Variants in HAS1 observed in about 807,000 individuals in gnomAD.
HAS1 encodes the protein hyaluronan synthase 1.
A neutral mutation model predicts 35.0 loss-of-function variants in HAS1; 27 were observed. That is an observed-to-expected ratio of 0.77 (90% CI 0.57 to 1.06). The LOEUF is 1.06. HAS1 is among the 50% of genes least tolerant of loss of function. The pLI is 0.00. For synonymous variants in HAS1, 409 were observed against 371.2 expected (o/e 1.10, Z -1.17); for missense variants, 940 against 814.8 (o/e 1.15, Z -1.87).
Position 51,714,695 on chromosome 19 carries a change from T to TAAAAA in HAS1, c.1059-594_1059-593insTTTTT, listed in dbSNP as rs148154630. Among the ~76,000 whole-genome samples, 113 of 95,796 alleles carry TAAAAA rather than the reference T, an allele frequency of 1.2e-3. 13 individuals carry two copies. The highest frequency in any genetic ancestry group is 2.8e-3 in the African/African-American group (68 of 24,168). 62.8% of individuals were successfully genotyped at this position (95,796 alleles called of 152,430 possible). Reference sequence around the variant, plus strand: ...CTGAGCAACACAGCAAGACTCTATCTAAGAAAAAAAAAAAGGCTCTCATAA... The same window carrying TAAAAA: ...CTGAGCAACACAGCAAGACTCTATCTAAAAAAAGAAAAAAAAAAAGGCTCTCATAA... On this transcript the variant is annotated intron_variant, in intron 4 of 4. Transcript: ENST00000540069.
At position 51,713,808 on chromosome 19, in the gene HAS1, C is replaced by A; in HGVS notation, c.1353G>T (p.Leu451=). The A allele has an allele frequency of 6.2e-7, 1 of 1,606,526 alleles. No homozygotes were observed. The highest frequency in any genetic ancestry group is 8.5e-7 in the Non-Finnish European group (1 of 1,177,570). ...ALAKAAFAAW[L]RGCLRMVLLS... ...GAAGCACCATGCGCAGGCAGCCCCG[C>A]AGCCAGGCCGCGAAGGCCGCCTTGG... The change falls in exon 5 of 5, where the codon CTG becomes CTT. Residue 451 remains leucine, a synonymous_variant. Coordinates refer to ENST00000540069, the MANE Select transcript of HAS1 (RefSeq NM_001297436.2). The surrounding 1 kb of genome is among the most constrained non-coding windows in gnomAD (Gnocchi z 4.5).
Position 51,713,199 on chromosome 19 carries a change from C to CA in HAS1, c.*227_*228insT. Reference sequence around the variant, plus strand: ...ACGAGGAGAAAGCAGGACCCTTTCCCTCCACTCCTCAGATCCCACACCCTG... The same window carrying CA: ...ACGAGGAGAAAGCAGGACCCTTTCCCATCCACTCCTCAGATCCCACACCCTG... On this transcript the variant is annotated 3_prime_UTR_variant, in exon 5 of 5. Transcript: ENST00000540069. The surrounding 1 kb of genome is among the most constrained non-coding windows in gnomAD (Gnocchi z 4.5). 1 of 428,934 alleles carries CA rather than the reference C, an allele frequency of 2.3e-6. No homozygotes were observed. The highest frequency in any genetic ancestry group is 4.1e-6 in the Non-Finnish European group (1 of 245,764). 26.6% of individuals were successfully genotyped at this position (428,934 alleles called of 1,614,324 possible).
At chr19:51,714,189 G>C in intron 4 of HAS1, 87 bp from the exon 5 acceptor site, 1 of 1,528,992 alleles carries the variant, frequency 6.5e-7, no homozygotes, top group Non-Finnish European at 8.8e-7. Flanking sequence ...CACTGTGGAC[G>C]GCCACTGGGG....
chr19:51,714,363 A>C (rs1338144797), intron 4 of HAS1, among the ~76,000 whole-genome samples: 1 of 89,382 alleles, frequency 1.1e-5, no homozygotes, highest in Non-Finnish European at 2.8e-5. Context: ...GCAAGACCCC[A>C]TCTCTACTAA....
At chr19:51,721,481 T>A (rs889196124) in intron 1 of HAS1, among the ~76,000 whole-genome samples, 11 of 152,112 alleles carry the variant, frequency 7.2e-5, no homozygotes, top group African/African-American at 2.4e-4. Context: ...AATTTTTTTT[T>A]AAATTGAGAC....
Position 51,719,255 on chromosome 19 carries a change from A to C in HAS1, c.650T>G (p.Val217Gly), listed in dbSNP as rs1054195799. 1.2e-6 allele frequency: 2 copies of C among 1,608,104 alleles called. No homozygotes were observed. Among genetic ancestry groups the C allele is most frequent in the Non-Finnish European group, 1.7e-6 (2 of 1,177,674 alleles). ...GAGCGCCTTGAAGGCTGTGTACATGACCTCGCGCTTGCCGCCCCAGCGCTG... is the reference window on the plus strand; with the variant it reads ...GAGCGCCTTGAAGGCTGTGTACATGCCCTCGCGCTTGCCGCCCCAGCGCTG... Reference protein sequence around the residue: ...VAQRWGGKREVMYTAFKALGD... With the variant: ...VAQRWGGKREGMYTAFKALGD... Residue 217 changes from valine (V) to glycine (G), a missense_variant, in exon 2 of 5, where the codon GTC (valine) becomes GGC (glycine). Coordinates refer to ENST00000540069, the MANE Select transcript of HAS1 (RefSeq NM_001297436.2).
At position 51,721,599 on chromosome 19, in the gene HAS1, G is replaced by A. The variant is rs1355800065; in HGVS notation, c.10-1704C>T. Among the ~76,000 whole-genome samples the A allele has an allele frequency of 2.6e-5, 4 of 152,020 alleles. No individual in the cohort carries two copies. The East Asian group carries it at 5.8e-4, about 22-fold the overall frequency. ...TCGAGATTAGCCTGGCTAACATGGC[G>A]AAAGCAAAATACAAAAATTAGCCAG... On this transcript the variant is annotated intron_variant, in intron 1 of 4. Transcript: ENST00000540069.
intron 4 of HAS1, among the ~76,000 whole-genome samples, chr19:51,714,819 T>C (rs1284713209): frequency 6.6e-6 from 1 of 152,166 alleles, no homozygotes; most frequent in Non-Finnish European, 1.5e-5. Context: ...CCGTTTTTAC[T>C]ATGACTATTG....
chr19:51,723,882 T>TACACAC lies in HAS1; in HGVS notation c.9+42_9+43insGTGTGT, dbSNP rs759536923. 9.7e-5 allele frequency: 64 copies of TACACAC among 659,498 alleles called. No homozygotes were observed. The South Asian group carries it at 1.5e-3, about 15-fold the overall frequency. 40.9% of individuals were successfully genotyped at this position (659,498 alleles called of 1,614,324 possible). On this transcript the variant is annotated intron_variant, in intron 1 of 4. Transcript: ENST00000540069. ...GGCAGTAGTTTTCCCCACATGGCTG[T>TACACAC]ATACACACACACACACACACACACA...
chr19:51,714,223 C>T, intron 4 of HAS1, 121 bp from the exon 5 acceptor site: 1 of 1,452,398 alleles, frequency 6.9e-7, no homozygotes, highest in Non-Finnish European at 9.2e-7. Context: ...CCTCTCTAGG[C>T]CTCAGTGTTC....
rs750511594 is a variant in HAS1 at position 51,719,417 on chromosome 19, C to A, written c.488G>T (p.Gly163Val). 3 of 1,561,136 alleles carry A rather than the reference C, an allele frequency of 1.9e-6. No homozygotes were observed. Among genetic ancestry groups the A allele is most frequent in the Admixed American group, 1.9e-5 (1 of 51,704 alleles). ...GGGTTCCCAGGGCTGGTGGTAGTTG[C>A]CGTCCCACACGTACGTGGCGGGGTC... ...DEDPATYVWD[G>V]NYHQPWEPAA... The change falls in exon 2 of 5, where the codon GGC (glycine) becomes GTC (valine). Residue 163 changes from glycine to valine, a missense_variant. Physicochemically the swap from Gly to Val is moderately radical, Grantham distance 109. Transcript: ENST00000540069.
intron 3 of HAS1, 92 bp from the exon 4 acceptor site, chr19:51,716,480 T>C: frequency 9.8e-7 from 1 of 1,022,634 alleles, no homozygotes; most frequent in Non-Finnish European, 1.4e-6. Context: ...CATCTCCAGT[T>C]CCAACCCCAT....
At chr19:51,715,763 T>C (rs1034798744) in intron 4 of HAS1, among the ~76,000 whole-genome samples, 2 of 152,206 alleles carry the variant, frequency 1.3e-5, no homozygotes, top group African/African-American at 4.8e-5. Context: ...GAATTACTTG[T>C]CTTCTCTTGA....
chr19:51,719,057 AT>A, intron 2 of HAS1, 148 bp downstream of exon 2: 1 of 492,282 alleles, frequency 2.0e-6, no homozygotes. Flanking sequence ...GGATGAAAGA[AT>A]GAGTGAAGGA....
rs1253484934 is a variant in HAS1, at chr19:51,713,382, T to G, written c.*45A>C. 7.0e-7 allele frequency: 1 copy of G among 1,437,192 alleles called. No individual in the cohort carries two copies. Among genetic ancestry groups the G allele is most frequent in the Non-Finnish European group, 9.1e-7 (1 of 1,093,724 alleles). 89.0% of individuals were successfully genotyped at this position (1,437,192 alleles called of 1,614,324 possible). On this transcript the variant is annotated 3_prime_UTR_variant, in exon 5 of 5. Coordinates refer to ENST00000540069, the MANE Select transcript of HAS1 (RefSeq NM_001297436.2). This position sits in a 1 kb window ranked among gnomAD's most constrained non-coding sequence, Gnocchi z 4.5. ...GGCTCGGGGCCCAGCAGCTCTCCTC[T>G]GGCCTCCCCTGAAGACCCTTGAGGC...
At position 51,713,409 on chromosome 19, in the gene HAS1, G is replaced by A. The variant is rs764958353; in HGVS notation, c.*18C>T. 4 of 1,480,590 alleles carry A rather than the reference G, an allele frequency of 2.7e-6. No individual in the cohort carries two copies. The highest frequency in any genetic ancestry group is 2.8e-5 in the African/African-American group (2 of 70,326). 91.7% of individuals were successfully genotyped at this position (1,480,590 alleles called of 1,614,324 possible). On this transcript the variant is annotated 3_prime_UTR_variant, in exon 5 of 5. Coordinates refer to ENST00000540069, the MANE Select transcript of HAS1 (RefSeq NM_001297436.2). This position sits in a 1 kb window ranked among gnomAD's most constrained non-coding sequence, Gnocchi z 4.5. The stretch of plus-strand genomic sequence containing the variant: ...GCCTCCCCTGAAGACCCTTGAGGCG[G>A]CATCCGCGTGGCTGGACTCACACCT...
In HAS1 at chr19:51,717,058, G is replaced by A; in HGVS notation, c.835C>T (p.Leu279=). 6.2e-7 allele frequency: 1 copy of A among 1,614,112 alleles called. No homozygotes were observed. Among genetic ancestry groups the A allele is most frequent in the South Asian group, 1.1e-5 (1 of 91,086 alleles). ...GCTACCCAGTATCGCAGGCTGCTTA[G>A]GAAGCTGACCCAGGAGTCCAGAGGG... ...LNPLDSWVSF[L]SSLRYWVAFN... The change falls in exon 3 of 5, where the codon CTA becomes TTA. Residue 279 remains leucine (L), a synonymous_variant. Transcript: ENST00000540069.
intron 2 of HAS1, among the ~76,000 whole-genome samples, chr19:51,717,490 A>G (rs781703138): frequency 6.6e-5 from 10 of 152,208 alleles, no homozygotes; most frequent in Non-Finnish European, 1.3e-4. Context: ...TATAACTGCC[A>G]TGATTATATT....
chr19:51,718,862 T>C (rs1454872519), intron 2 of HAS1, among the ~76,000 whole-genome samples: 2 of 152,124 alleles, frequency 1.3e-5, no homozygotes, highest in South Asian at 2.1e-4. Flanking sequence ...AGTGGATGAA[T>C]GAACAAATGA....
Sources: gnomAD v4.1 joint callset for allele counts (sites outside exome capture counted in the v4.1 genomes callset) on GRCh38, gnomAD v4.1.1 for gene constraint, Gnocchi (gnomAD v3.1) non-coding constraint, MANE v1.5 for transcripts, NCBI Gene and HGNC (gene_info 2026-07-23, HGNC 2026-07-21) for gene names.